CDH18: variants seen among roughly 807,000 people sequenced by gnomAD.
CDH18 encodes cadherin 18, also known as cadherin-18.
In CDH18, 31 loss-of-function variants were observed where a neutral mutation model predicts 67.9. The observed-to-expected ratio is 0.46, with a 90% CI of 0.34 to 0.62. CDH18 has a LOEUF of 0.62. Among genes scored for constraint, CDH18 ranks in the 20% least tolerant of loss-of-function variants. The pLI is 0.01. For synonymous variants in CDH18, 362 were observed against 347.2 expected (o/e 1.04, Z -0.48); for missense variants, 890 against 975.5 (o/e 0.91, Z 1.17).
At chr5:19,785,213 T>A (rs907592925) in intron 3 of CDH18, among the ~76,000 whole-genome samples, 1 of 152,124 alleles carries the variant, frequency 6.6e-6, no homozygotes. Flanking sequence ...GTATCTGTCA[T>A]AGAATATGAG....
In CDH18 at chr5:20,242,606, A is replaced by T. The variant is rs1561905775; in HGVS notation, c.-518+12838T>A. Among the ~76,000 whole-genome samples, 523 of 70,310 alleles carry T rather than the reference A, an allele frequency of 7.4e-3. 74 individuals are homozygous for T. The highest frequency in any genetic ancestry group is 0.048 in the African/African-American group (486 of 10,032). The allele number at this position is 70,310 out of a possible 152,430, so 46.1% of individuals were successfully genotyped here. A position where few individuals can be genotyped will look rare whatever the true frequency, so the allele number is the denominator to read the frequency against. On this transcript the variant is annotated intron_variant, in intron 2 of 14. Coordinates refer to the CDH18 transcript ENST00000507958. ...TGGGTTTCATTGAGGGAAAAAAAAAAAAAAAATATATATATATATATATAT... is the reference window on the plus strand; with the variant it reads ...TGGGTTTCATTGAGGGAAAAAAAAATAAAAAATATATATATATATATATAT...
chr5:20,217,418 T>G (rs1049292727), intron 2 of CDH18, among the ~76,000 whole-genome samples: 8 of 151,932 alleles, frequency 5.3e-5, no homozygotes, highest in Non-Finnish European at 7.4e-5. Context: ...TCTCCTTGTT[T>G]GTTTGTTTAT....
intron 9 of CDH18, among the ~76,000 whole-genome samples, chr5:19,527,666 A>G (rs1747950866): frequency 6.6e-6 from 1 of 151,860 alleles, no homozygotes; most frequent in African/African-American, 2.4e-5. Context: ...GGAGCATAAC[A>G]CGTGTAGAAA....
intron 10 of CDH18, among the ~76,000 whole-genome samples, chr5:19,516,931 T>G (rs1372070478): frequency 6.6e-6 from 1 of 152,162 alleles, no homozygotes; most frequent in Non-Finnish European, 1.5e-5. Flanking sequence ...TAAATAAAAC[T>G]GCTATAAATA....
At chr5:20,398,930 C>T (rs1329169611) in intron 1 of CDH18, among the ~76,000 whole-genome samples, 2 of 84,238 alleles carry the variant, frequency 2.4e-5, no homozygotes, top group South Asian at 4.1e-4. Flanking sequence ...CCACGGCACA[C>T]GTATACCTAC....
At chr5:19,842,672 G>T (rs1211090330) in intron 2 of CDH18, among the ~76,000 whole-genome samples, 1 of 152,148 alleles carries the variant, frequency 6.6e-6, no homozygotes, top group African/African-American at 2.4e-5. Context: ...CAAAAATGTG[G>T]AAGTGACTTT....
intron 2 of CDH18, among the ~76,000 whole-genome samples, chr5:19,903,770 G>A (rs1306877779): frequency 6.6e-6 from 1 of 151,684 alleles, no homozygotes; most frequent in Admixed American, 6.6e-5. Context: ...TATTTCATGG[G>A]ACACAGAGGG....
rs570298011 is a variant in CDH18 at position 19,537,750 on chromosome 5, C to T, written c.1390+6119G>A. The stretch of plus-strand genomic sequence containing the variant: ...TAATGCAATTATCTACTTACCTTGT[C>T]TTATGAATAACACTCAAATGCCTCA... On this transcript the variant is annotated intron_variant, in intron 9 of 12. Transcript: ENST00000382275. Among the ~76,000 whole-genome samples, 153 of 152,218 alleles carry T rather than the reference C, an allele frequency of 1.0e-3. 1 individual carries two copies. Among genetic ancestry groups the T allele is most frequent in the Admixed American group, 2.0e-3 (30 of 15,266 alleles).
intron 1 of CDH18, among the ~76,000 whole-genome samples, chr5:20,276,386 C>T (rs1470131931): frequency 2.0e-5 from 3 of 152,136 alleles, no homozygotes; most frequent in African/African-American, 4.8e-5. Flanking sequence ...AGTCCTGAGG[C>T]CCCCATTCCA....
intron 3 of CDH18, among the ~76,000 whole-genome samples, chr5:19,755,861 C>T (rs776023882): frequency 6.6e-6 from 1 of 151,964 alleles, no homozygotes; most frequent in African/African-American, 2.4e-5. Context: ...TTGCTGACAG[C>T]TATTTAGACA....
intron 2 of CDH18, among the ~76,000 whole-genome samples, chr5:19,885,099 C>A (rs911322714): frequency 1.3e-5 from 2 of 152,004 alleles, no homozygotes; most frequent in Non-Finnish European, 2.9e-5. Context: ...ATATTATGGG[C>A]GAAAAATTAT....
At chr5:19,587,109 A>G in intron 7 of CDH18, among the ~76,000 whole-genome samples, 1 of 151,688 alleles carries the variant, frequency 6.6e-6, no homozygotes, top group East Asian at 1.9e-4. Flanking sequence ...TGGATATTAG[A>G]GCTTTGTCAG....
chr5:19,886,299 A>G (rs1788188079), intron 2 of CDH18: 1 of 152,188 alleles, frequency 6.6e-6, no homozygotes, highest in Non-Finnish European at 1.5e-5. Context: ...TACCTGATTT[A>G]GCTTTCGTGA....
At chr5:19,716,327 C>T (rs1765335121) in intron 5 of CDH18, among the ~76,000 whole-genome samples, 1 of 151,972 alleles carries the variant, frequency 6.6e-6, no homozygotes, top group Non-Finnish European at 1.5e-5. Context: ...ACAAAGCATC[C>T]TCAACTTCTT....
intron 4 of CDH18, among the ~76,000 whole-genome samples, chr5:19,740,770 A>T (rs970384916): frequency 6.6e-6 from 1 of 152,118 alleles, no homozygotes; most frequent in African/African-American, 2.4e-5. Context: ...TTGTATTGTG[A>T]TAAACACATT....
At chr5:19,762,911 T>C (rs916292874) in intron 3 of CDH18, among the ~76,000 whole-genome samples, 10 of 152,178 alleles carry the variant, frequency 6.6e-5, no homozygotes, top group South Asian at 4.1e-4. Flanking sequence ...TGGAATACTA[T>C]GCAACCATAA....
At chr5:20,123,886 CAAAAAA>C (rs11292634) in intron 2 of CDH18, among the ~76,000 whole-genome samples, 1 of 87,236 alleles carries the variant, frequency 1.1e-5, no homozygotes. Context: ...GACTCCGTCT[CAAAAAA>C]AAAAAAAAAA....
intron 1 of CDH18, among the ~76,000 whole-genome samples, chr5:20,435,532 G>T (rs1396339): frequency 0.22 from 33,442 of 151,678 alleles, 3,864 homozygotes; most frequent in East Asian, 0.3. Context: ...GGTAAGGCAG[G>T]TCCTACATCT....
At chr5:19,602,258 A>G (rs934059111) in intron 6 of CDH18, among the ~76,000 whole-genome samples, 1 of 152,154 alleles carries the variant, frequency 6.6e-6, no homozygotes, top group African/African-American at 2.4e-5. Flanking sequence ...AACTTTTAGA[A>G]CTAATAAAGT....
Sources: gnomAD v4.1 joint callset for allele counts (sites outside exome capture counted in the v4.1 genomes callset) on GRCh38, gnomAD v4.1.1 for gene constraint, MANE v1.5 for transcripts, NCBI Gene and HGNC (gene_info 2026-07-23, HGNC 2026-07-21) for gene names.